KIDINS220: variants seen among roughly 807,000 people sequenced by gnomAD.
KIDINS220 encodes kinase D-interacting substrate of 220 kDa.
In KIDINS220, 63 loss-of-function variants were observed where a neutral mutation model predicts 157.6. That is an observed-to-expected ratio of 0.40 (90% CI 0.33 to 0.49). The LOEUF (loss-of-function observed/expected upper bound fraction) is 0.49, where lower values mean the gene tolerates loss of function less well. Ranked by LOEUF, KIDINS220 falls within the 20% of genes least tolerant of loss-of-function variation. The pLI is 0.66. For synonymous variants in KIDINS220, 732 were observed against 783.6 expected (o/e 0.93, Z 1.10); for missense variants, 1,772 against 2,171.2 (o/e 0.82, Z 3.65).
chr2:8,814,448 T>A (rs965441420), intron 4 of KIDINS220, among the ~76,000 whole-genome samples: 4 of 152,068 alleles, frequency 2.6e-5, no homozygotes, highest in African/African-American at 9.7e-5. Context: ...TAGATAGATA[T>A]ATAGATGAAT....
intron 23 of KIDINS220, among the ~76,000 whole-genome samples, chr2:8,750,645 T>C (rs1205336162): frequency 6.6e-6 from 1 of 152,216 alleles, no homozygotes; most frequent in African/African-American, 2.4e-5. Flanking sequence ...TTCTAACAAT[T>C]ACTTTTATTC....
chr2:8,732,343 C>T (rs1005143311), intron 29 of KIDINS220, among the ~76,000 whole-genome samples: 2 of 152,186 alleles, frequency 1.3e-5, no homozygotes, highest in African/African-American at 4.8e-5. Flanking sequence ...AGCAATCCTC[C>T]CGCCTCAGCC....
intron 17 of KIDINS220, 55 bp downstream of exon 17, chr2:8,785,686 G>C: frequency 5.6e-6 from 8 of 1,439,108 alleles, no homozygotes; most frequent in Non-Finnish European, 7.6e-6. Flanking sequence ...AAATGAGCAT[G>C]GCAGTGGCAA....
At chr2:8,765,821 A>T (rs1669409644) in intron 22 of KIDINS220, among the ~76,000 whole-genome samples, 1 of 152,104 alleles carries the variant, frequency 6.6e-6, no homozygotes, top group South Asian at 2.1e-4. Flanking sequence ...CTCCTACCTC[A>T]GCCTCCCGAG....
chr2:8,785,792 G>C lies in KIDINS220; in HGVS notation c.2178C>G (p.Leu726=), dbSNP rs754292861. The part of the protein sequence containing the change: ...DSLLNSQRKR[L]HNAASKLHKL... ...TGTGCAGTTTGGAGGCTGCATTATG[G>C]AGGCGTTTTCTTTGGGAATTCAGGA... Residue 726 remains leucine (L), a synonymous_variant, in exon 17 of 30, where the codon CTC becomes CTG. Transcript: ENST00000256707. 7.4e-6 allele frequency: 12 copies of C among 1,613,850 alleles called. No homozygotes were observed. The highest frequency in any genetic ancestry group is 1.0e-5 in the Non-Finnish European group (12 of 1,179,988).
At chr2:8,740,978 T>C (rs1665542054) in intron 26 of KIDINS220, among the ~76,000 whole-genome samples, 1 of 152,230 alleles carries the variant, frequency 6.6e-6, no homozygotes, top group African/African-American at 2.4e-5. Context: ...ACGTTTGATG[T>C]CTTTCTTTTA....
At chr2:8,799,950 T>A (rs1008809079) in intron 9 of KIDINS220, among the ~76,000 whole-genome samples, 18 of 152,092 alleles carry the variant, frequency 1.2e-4, no homozygotes, top group African/African-American at 4.3e-4. Flanking sequence ...TACCAAGTGG[T>A]CCTAGGAAAG....
intron 22 of KIDINS220, among the ~76,000 whole-genome samples, chr2:8,753,925 A>C (rs1178110312): frequency 6.6e-6 from 1 of 152,200 alleles, no homozygotes; most frequent in Non-Finnish European, 1.5e-5. Flanking sequence ...AGACACATGC[A>C]CAAGACAGAA....
intron 22 of KIDINS220, among the ~76,000 whole-genome samples, chr2:8,768,621 C>T (rs1438124140): frequency 1.3e-5 from 2 of 152,074 alleles, no homozygotes; most frequent in Non-Finnish European, 1.5e-5. Context: ...ATACTATTTT[C>T]TGATTGTTTT....
chr2:8,814,237 T>C (rs187485278), intron 4 of KIDINS220, among the ~76,000 whole-genome samples: 1 of 152,268 alleles, frequency 6.6e-6, no homozygotes, highest in Admixed American at 6.5e-5. Context: ...TTAACTACGA[T>C]ACGATTCAAT....
At position 8,788,623 on chromosome 2, in the gene KIDINS220, C is replaced by A. The variant is rs140450228; in HGVS notation, c.1787+24G>T. 1.0e-4 allele frequency: 160 copies of A among 1,594,350 alleles called. No individual in the cohort carries two copies. The East Asian group carries it at 2.5e-3, about 25-fold the overall frequency. On this transcript the variant is annotated intron_variant, in intron 15 of 29. Transcript: ENST00000256707. ...TTTTTCTGAATCTCATTGAAGATTT[C>A]TTCTGTCAAATGGTACAACTCACCT...
intron 5 of KIDINS220, 69 bp from the exon 6 acceptor site, chr2:8,812,562 G>T: frequency 2.6e-6 from 2 of 757,644 alleles, no homozygotes; most frequent in Non-Finnish European, 4.1e-6. Flanking sequence ...AAGGAAGGAG[G>T]GAGGGAGGGA....
At chr2:8,834,955 C>T (rs994104166) in intron 1 of KIDINS220, among the ~76,000 whole-genome samples, 15 of 152,156 alleles carry the variant, frequency 9.9e-5, no homozygotes, top group African/African-American at 3.4e-4. Context: ...GATCCTCCTG[C>T]CTCACCCTCC....
At chr2:8,788,565 G>A (rs987902762) in intron 15 of KIDINS220, 82 bp downstream of exon 15, 13 of 1,368,338 alleles carry the variant, frequency 9.5e-6, no homozygotes, top group South Asian at 4.0e-5. Context: ...CACCACACCC[G>A]GCTCCTATAA....
chr2:8,781,972 G>C (rs1572634190), intron 17 of KIDINS220, among the ~76,000 whole-genome samples: 1 of 152,050 alleles, frequency 6.6e-6, no homozygotes, highest in Non-Finnish European at 1.5e-5. Context: ...AATTAGCCAG[G>C]TGTGGTGGCG....
Position 8,730,010 on chromosome 2 carries a change from AT to A in KIDINS220, c.*709del. 1.0e-6 allele frequency: 1 copy of A among 985,406 alleles called. No homozygotes were observed. The highest frequency in any genetic ancestry group is 6.1e-5 in the Admixed American group (1 of 16,282). 61.0% of individuals were successfully genotyped at this position (985,406 alleles called of 1,614,324 possible). A position where few individuals can be genotyped will look rare whatever the true frequency, so the allele number is the denominator to read the frequency against. Reference sequence around the variant, plus strand: ...GATGGTGCTGGAAGCCAGGCCTGGGATTTGGAGAGAAGAGTTTCCGACATAT... The same window carrying A: ...GATGGTGCTGGAAGCCAGGCCTGGGATTGGAGAGAAGAGTTTCCGACATAT... On this transcript the variant is annotated 3_prime_UTR_variant, in exon 30 of 30. Coordinates refer to ENST00000256707, the MANE Select transcript of KIDINS220 (RefSeq NM_020738.4).
intron 27 of KIDINS220, among the ~76,000 whole-genome samples, chr2:8,736,514 A>C (rs775603702): frequency 1.3e-5 from 2 of 152,234 alleles, no homozygotes. Flanking sequence ...ATTAGAAAAA[A>C]ATGTAACACA....
intron 22 of KIDINS220, among the ~76,000 whole-genome samples, chr2:8,762,371 C>A (rs971871739): frequency 3.9e-5 from 6 of 152,126 alleles, no homozygotes; most frequent in African/African-American, 1.4e-4. Flanking sequence ...CTTCATTCTA[C>A]GTTTGCATTA....
intron 4 of KIDINS220, among the ~76,000 whole-genome samples, chr2:8,817,400 C>T (rs879551563): frequency 2.6e-5 from 4 of 151,994 alleles, no homozygotes; most frequent in Non-Finnish European, 5.9e-5. Context: ...GAATTTTAAA[C>T]TCCAAAATAA....
Sources: allele counts gnomAD v4.1 joint callset (sites outside exome capture counted in the v4.1 genomes callset), GRCh38; gene constraint gnomAD v4.1.1; transcripts MANE v1.5; gene names NCBI Gene and HGNC (gene_info 2026-07-23, HGNC 2026-07-21).